Variants in TBC1D5 observed in about 807,000 individuals in gnomAD.
TBC1D5 encodes the protein TBC1 domain family, member 5.
In TBC1D5, 75 loss-of-function variants were observed where a neutral mutation model predicts 100.3. The observed-to-expected ratio is 0.75, with a 90% CI of 0.62 to 0.91. TBC1D5 has a LOEUF of 0.91. Ranked by LOEUF, TBC1D5 falls within the 40% of genes least tolerant of loss-of-function variation. The probability of loss-of-function intolerance (pLI) is 0.00; values close to 1 mark genes in which losing one functional copy is unlikely to be tolerated. For synonymous variants in TBC1D5, 323 were observed against 325.6 expected (o/e 0.99, Z 0.09); for missense variants, 910 against 942.4 (o/e 0.97, Z 0.45).
chr3:17,294,079 A>T (rs991466493), intron 14 of TBC1D5, among the ~76,000 whole-genome samples: 1 of 152,262 alleles, frequency 6.6e-6, no homozygotes, highest in Non-Finnish European at 1.5e-5. Flanking sequence ...TTGAAAATCA[A>T]GAGACATAAT....
At chr3:17,715,828 G>A (rs189321201) in intron 1 of TBC1D5, among the ~76,000 whole-genome samples, 72 of 152,210 alleles carry the variant, frequency 4.7e-4, no homozygotes, top group Middle Eastern at 6.8e-3. Context: ...GGAGGCCGAG[G>A]TGGGAGGATC....
At chr3:17,261,549 T>C (rs773155292) in intron 15 of TBC1D5, among the ~76,000 whole-genome samples, 10 of 152,244 alleles carry the variant, frequency 6.6e-5, no homozygotes, top group East Asian at 5.8e-4. Flanking sequence ...TCTTGGCTCA[T>C]TGAACCCTTG....
At chr3:17,482,235 C>CT (rs35150336) in intron 3 of TBC1D5, among the ~76,000 whole-genome samples, 13,837 of 151,902 alleles carry the variant, frequency 0.091, 1,417 homozygotes, top group African/African-American at 0.26. Flanking sequence ...TAACGTGTAC[C>CT]TTAAGGCATA....
intron 15 of TBC1D5, among the ~76,000 whole-genome samples, chr3:17,284,713 T>A (rs2080989521): frequency 6.6e-6 from 1 of 152,224 alleles, no homozygotes; most frequent in South Asian, 2.1e-4. Flanking sequence ...AAATTTCAAA[T>A]ACTGGTTTAA....
chr3:17,303,247 A>G (rs1178934429), intron 14 of TBC1D5, among the ~76,000 whole-genome samples: 1 of 152,190 alleles, frequency 6.6e-6, no homozygotes, highest in Non-Finnish European at 1.5e-5. Flanking sequence ...TGATTCTTCC[A>G]AACTATTGCT....
chr3:17,689,713 A>C (rs1046933177), intron 1 of TBC1D5, among the ~76,000 whole-genome samples: 15 of 152,320 alleles, frequency 9.8e-5, no homozygotes, highest in African/African-American at 3.1e-4. Context: ...GGAATACAAT[A>C]GTAGTTGTCA....
At chr3:17,350,496 C>T (rs568570000) in intron 13 of TBC1D5, among the ~76,000 whole-genome samples, 1 of 152,234 alleles carries the variant, frequency 6.6e-6, no homozygotes, top group South Asian at 2.1e-4. Context: ...GACATAAGCT[C>T]AGAATTGATT....
chr3:17,209,218 GCT>G (rs2072637073), intron 18 of TBC1D5, among the ~76,000 whole-genome samples: 1 of 152,296 alleles, frequency 6.6e-6, no homozygotes, highest in African/African-American at 2.4e-5. Flanking sequence ...CACAGTCACT[GCT>G]CACGCAGACT....
intron 1 of TBC1D5, among the ~76,000 whole-genome samples, chr3:17,657,090 T>C (rs538144010): frequency 2.6e-5 from 4 of 152,060 alleles, no homozygotes; most frequent in Non-Finnish European, 5.9e-5. Flanking sequence ...TTGAACCTTG[T>C]CTGCTGAAGT....
At chr3:17,288,033 A>G (rs901600116) in intron 15 of TBC1D5, among the ~76,000 whole-genome samples, 1 of 152,336 alleles carries the variant, frequency 6.6e-6, no homozygotes, top group East Asian at 1.9e-4. Context: ...GATCTATGTG[A>G]TTCAGGAATG....
In TBC1D5 at chr3:17,403,126, AAG is replaced by A. The variant is rs1054604908; in HGVS notation, c.509+53_509+54del. ...GATTTTGTGTTTTGTTAAAATTAGA[AAG>A]AGATAACAACAATTTGAATTATTGA... On this transcript the variant is annotated intron_variant, in intron 8 of 21. Transcript: ENST00000253692. The A allele has an allele frequency of 2.8e-6, 4 of 1,427,904 alleles. No individual in the cohort carries two copies. The African/African-American group carries it at 5.8e-5, about 21-fold the overall frequency. 88.5% of individuals were successfully genotyped at this position (1,427,904 alleles called of 1,614,324 possible). A position where few individuals can be genotyped will look rare whatever the true frequency, so the allele number is the denominator to read the frequency against.
At chr3:17,233,997 T>C (rs2075654880) in intron 17 of TBC1D5, among the ~76,000 whole-genome samples, 1 of 152,138 alleles carries the variant, frequency 6.6e-6, no homozygotes, top group Non-Finnish European at 1.5e-5. Flanking sequence ...AACTAGAGTA[T>C]AGGAAACTTC....
chr3:17,355,844 T>C (rs7645756), intron 13 of TBC1D5, among the ~76,000 whole-genome samples: 61,772 of 151,858 alleles, frequency 0.41, 13,227 homozygotes, highest in Middle Eastern at 0.51. Context: ...TGCAATACTT[T>C]CTGAGGTCAA....
intron 1 of TBC1D5, among the ~76,000 whole-genome samples, chr3:17,656,286 C>T (rs2066053977): frequency 6.6e-6 from 1 of 152,124 alleles, no homozygotes; most frequent in African/African-American, 2.4e-5. Flanking sequence ...ACCTTCAGAA[C>T]CTGGTTCATT....
intron 3 of TBC1D5, among the ~76,000 whole-genome samples, chr3:17,439,858 T>C (rs1271424297): frequency 6.6e-6 from 1 of 152,212 alleles, no homozygotes; most frequent in East Asian, 1.9e-4. Context: ...TTATTAAAAA[T>C]ATCATTCAAA....
chr3:17,602,008 T>TTTTTAGTA (rs2060987428), intron 2 of TBC1D5, among the ~76,000 whole-genome samples: 1 of 152,022 alleles, frequency 6.6e-6, no homozygotes, highest in African/African-American at 2.4e-5. Context: ...TTTTTTTGTA[T>TTTTTAGTA]TTTTAGTAGA....
At chr3:17,414,142 C>A (rs1421688382) in intron 4 of TBC1D5, among the ~76,000 whole-genome samples, 1 of 152,090 alleles carries the variant, frequency 6.6e-6, no homozygotes, top group African/African-American at 2.4e-5. Flanking sequence ...CATTTCATTG[C>A]AATTCTAAGT....
intron 1 of TBC1D5, among the ~76,000 whole-genome samples, chr3:17,722,297 ATTTT>A (rs2075772432): frequency 6.6e-6 from 1 of 151,982 alleles, no homozygotes. Flanking sequence ...AGTGTTTCAG[ATTTT>A]TTTTCAAATT....
chr3:17,223,713 T>C (rs913926007), intron 17 of TBC1D5, among the ~76,000 whole-genome samples: 1 of 152,006 alleles, frequency 6.6e-6, no homozygotes, highest in African/African-American at 2.4e-5. Context: ...ATATATAAAT[T>C]AGCTGGGCAT....
Sources: gnomAD v4.1 joint callset for allele counts (sites outside exome capture counted in the v4.1 genomes callset) on GRCh38, gnomAD v4.1.1 for gene constraint, MANE v1.5 for transcripts, NCBI Gene and HGNC (gene_info 2026-07-23, HGNC 2026-07-21) for gene names.